The following GPC5 variants were observed in gnomAD, a reference collection of about 807,000 sequenced individuals.
GPC5 encodes the protein glypican 5, also known as glypican-5.
In GPC5, 47 loss-of-function variants were observed where a neutral mutation model predicts 53.9. The ratio of observed to expected loss-of-function variants is 0.87; its 90% CI spans 0.69 to 1.11. The LOEUF (loss-of-function observed/expected upper bound fraction) is 1.11. Ranked by LOEUF, GPC5 falls within the 50% of genes most tolerant of loss-of-function variation. The pLI, the probability that GPC5 is intolerant of heterozygous loss-of-function variation, is 0.00. For missense variants in GPC5, 748 were observed against 713.1 expected (o/e 1.05, Z -0.56); for synonymous variants, 286 against 263.3 (o/e 1.09, Z -0.84).
intron 3 of GPC5, among the ~76,000 whole-genome samples, chr13:91,723,666 T>G (rs898046629): frequency 6.6e-6 from 1 of 152,136 alleles, no homozygotes; most frequent in African/African-American, 2.4e-5. Context: ...TAAAGGAACT[T>G]TCCCTTTTCC....
At chr13:92,519,195 C>G (rs895934404) in intron 7 of GPC5, among the ~76,000 whole-genome samples, 1 of 152,140 alleles carries the variant, frequency 6.6e-6, no homozygotes, top group African/African-American at 2.4e-5. Context: ...TTTAACACCC[C>G]ACTGTCAACA....
intron 6 of GPC5, among the ~76,000 whole-genome samples, chr13:91,980,185 G>A (rs1013048550): frequency 2.6e-5 from 4 of 152,174 alleles, no homozygotes; most frequent in African/African-American, 9.7e-5. Context: ...GTATCAAAGT[G>A]TGCATTTAAA....
intron 6 of GPC5, among the ~76,000 whole-genome samples, chr13:92,134,915 T>C (rs1416773480): frequency 6.6e-6 from 1 of 152,102 alleles, no homozygotes; most frequent in Non-Finnish European, 1.5e-5. Flanking sequence ...TTAAAAAAAT[T>C]GGGGTAGTAT....
chr13:92,430,556 C>T (rs1877040575), intron 7 of GPC5, among the ~76,000 whole-genome samples: 1 of 152,134 alleles, frequency 6.6e-6, no homozygotes, highest in African/African-American at 2.4e-5. Context: ...CCAGCATTTA[C>T]ATTTTTATCA....
chr13:91,542,725 C>G (rs1249843147), intron 2 of GPC5, among the ~76,000 whole-genome samples: 7 of 151,928 alleles, frequency 4.6e-5, no homozygotes, highest in Admixed American at 4.6e-4. Flanking sequence ...CTCTTATTGC[C>G]CAGGCTAACA....
chr13:92,093,706 A>T (rs1300519754), intron 6 of GPC5, among the ~76,000 whole-genome samples: 1 of 152,240 alleles, frequency 6.6e-6, no homozygotes, highest in Non-Finnish European at 1.5e-5. Context: ...ATGAAACACA[A>T]GTTTTTAAGA....
chr13:92,528,521 T>C (rs1415108791), intron 7 of GPC5, among the ~76,000 whole-genome samples: 1 of 151,978 alleles, frequency 6.6e-6, no homozygotes, highest in Non-Finnish European at 1.5e-5. Flanking sequence ...CTCTAAATGA[T>C]AAGGTATGTA....
At chr13:92,021,868 T>G (rs1347267392) in intron 6 of GPC5, among the ~76,000 whole-genome samples, 1 of 152,202 alleles carries the variant, frequency 6.6e-6, no homozygotes, top group African/African-American at 2.4e-5. Flanking sequence ...CATCCACCAT[T>G]CCAATAATAA....
intron 2 of GPC5, among the ~76,000 whole-genome samples, chr13:91,571,394 A>AT (rs769246895): frequency 3.4e-4 from 52 of 152,092 alleles, no homozygotes; most frequent in Non-Finnish European, 6.3e-4. Flanking sequence ...TGTACTGCAT[A>AT]TTTTTTGTTT....
intron 7 of GPC5, among the ~76,000 whole-genome samples, chr13:92,652,817 T>C (rs1001690268): frequency 3.3e-5 from 5 of 152,182 alleles, no homozygotes; most frequent in Non-Finnish European, 7.3e-5. Context: ...TCTACTAGTG[T>C]TATAGATGAA....
chr13:92,014,248 G>C (rs1163428244), intron 6 of GPC5, among the ~76,000 whole-genome samples: 1 of 152,162 alleles, frequency 6.6e-6, no homozygotes, highest in Admixed American at 6.6e-5. Flanking sequence ...TAAGAGGGCA[G>C]AATAATCACC....
intron 7 of GPC5, among the ~76,000 whole-genome samples, chr13:92,579,562 A>G (rs542267316): frequency 3.9e-5 from 6 of 152,042 alleles, no homozygotes; most frequent in African/African-American, 1.4e-4. Flanking sequence ...GTGGGGCCAT[A>G]AGGGGACTAT....
chr13:92,394,524 C>T (rs1411234519), intron 7 of GPC5, among the ~76,000 whole-genome samples: 1 of 152,136 alleles, frequency 6.6e-6, no homozygotes, highest in African/African-American at 2.4e-5. Flanking sequence ...AGGGTCCTCA[C>T]CAGAGCCCAG....
intron 6 of GPC5, among the ~76,000 whole-genome samples, chr13:92,092,571 C>A (rs1309774726): frequency 6.6e-6 from 1 of 151,902 alleles, no homozygotes; most frequent in African/African-American, 2.4e-5. Flanking sequence ...TATATCATTC[C>A]CAGATTAATA....
chr13:92,175,652 A>T (rs1219621764), intron 7 of GPC5, among the ~76,000 whole-genome samples: 2 of 152,084 alleles, frequency 1.3e-5, no homozygotes, highest in African/African-American at 2.4e-5. Context: ...AAAGTCACTT[A>T]AAAAAACTCA....
At chr13:92,005,400 C>T (rs926738846) in intron 6 of GPC5, among the ~76,000 whole-genome samples, 3 of 152,088 alleles carry the variant, frequency 2.0e-5, no homozygotes, top group African/African-American at 7.2e-5. Context: ...TGGCTACAGC[C>T]CTCTTGATTC....
intron 7 of GPC5, among the ~76,000 whole-genome samples, chr13:92,407,466 T>A (rs953512931): frequency 7.3e-6 from 1 of 136,144 alleles, no homozygotes; most frequent in Non-Finnish European, 1.6e-5. Flanking sequence ...AAGAGACCAT[T>A]ATTTCAAATA....
At chr13:91,434,955 A>T (rs1879797455) in intron 1 of GPC5, among the ~76,000 whole-genome samples, 1 of 152,178 alleles carries the variant, frequency 6.6e-6, no homozygotes, top group South Asian at 2.1e-4. Flanking sequence ...AGCAATTGTG[A>T]ATGGGAGTTC....
Position 92,715,164 on chromosome 13 carries a change from A to G in GPC5, c.1562-151118A>G, listed in dbSNP as rs80043770. Among the ~76,000 whole-genome samples, 101 of 152,322 alleles carry G rather than the reference A, an allele frequency of 6.6e-4. 1 individual carries two copies. The highest frequency in any genetic ancestry group is 2.1e-3 in the African/African-American group (88 of 41,570). The stretch of plus-strand genomic sequence containing the variant: ...TATACATGTTGCAACGAAAAATATA[A>G]TTAAACATTATTTTCAAAACAGTTG... On this transcript the variant is annotated intron_variant, in intron 7 of 7. Transcript: ENST00000377067.
Sources: gnomAD v4.1 joint callset for allele counts (sites outside exome capture counted in the v4.1 genomes callset) on GRCh38, gnomAD v4.1.1 for gene constraint, MANE v1.5 for transcripts, NCBI Gene and HGNC (gene_info 2026-07-23, HGNC 2026-07-21) for gene names.